Variants in DYRK3 observed in about 807,000 individuals in gnomAD.
DYRK3 encodes dual specificity tyrosine-phosphorylation-regulated kinase 3.
A neutral mutation model predicts 40.8 loss-of-function variants in DYRK3; 30 were observed. That is an observed-to-expected ratio of 0.74 (90% CI 0.55 to 1.00). DYRK3 has a LOEUF of 1.00. Ranked by LOEUF, DYRK3 falls within the 50% of genes least tolerant of loss-of-function variation. The pLI, the probability that DYRK3 is intolerant of heterozygous loss-of-function variation, is 0.00. For synonymous variants in DYRK3, 272 were observed against 260.7 expected, an observed-to-expected ratio of 1.04 and a Z score of -0.42; for missense variants, 699 against 731.5, an observed-to-expected ratio of 0.96 and a Z score of 0.51.
chr1:206,638,812 C>T (rs1173439735), intron 2 of DYRK3, among the ~76,000 whole-genome samples: 1 of 150,728 alleles, frequency 6.6e-6, no homozygotes, highest in Admixed American at 6.6e-5. Flanking sequence ...ATGGAAAAAT[C>T]ACTTCTATTT....
rs1671657734 is a variant in DYRK3, at chr1:206,652,496, C to A, written c.*3531C>A. ...GAAAGTGTATAGACAACTCATTACA[C>A]TGTAGACAGATTTTAGAAAGCTACA... On this transcript the variant is annotated 3_prime_UTR_variant, in exon 3 of 3. Coordinates refer to ENST00000367109, the MANE Select transcript of DYRK3 (RefSeq NM_003582.4). Among the ~76,000 whole-genome samples, 1 of 152,204 alleles carries A rather than the reference C, an allele frequency of 6.6e-6. No homozygotes were observed. The highest frequency in any genetic ancestry group is 1.5e-5 in the Non-Finnish European group (1 of 68,040).
At chr1:206,646,379 G>A (rs1553420122) in intron 2 of DYRK3, among the ~76,000 whole-genome samples, 1 of 152,088 alleles carries the variant, frequency 6.6e-6, no homozygotes, top group East Asian at 1.9e-4. Context: ...TTAATTCAGA[G>A]GTGTAAGTAG....
intron 2 of DYRK3, among the ~76,000 whole-genome samples, chr1:206,639,439 C>T (rs1485571054): frequency 6.7e-6 from 1 of 150,144 alleles, no homozygotes; most frequent in Non-Finnish European, 1.5e-5. Context: ...GAAGTGTTAA[C>T]ATCTGACTTT....
chr1:206,640,065 A>G (rs1231462329), intron 2 of DYRK3, among the ~76,000 whole-genome samples: 1 of 148,916 alleles, frequency 6.7e-6, no homozygotes, highest in Non-Finnish European at 1.5e-5. Flanking sequence ...CCTCCCAAGT[A>G]GCTGGGATTA....
At chr1:206,644,031 C>CTTTTTTTTTTTTTTTTTTTTTTTTT (rs556718022) in intron 2 of DYRK3, among the ~76,000 whole-genome samples, 3 of 101,058 alleles carry the variant, frequency 3.0e-5, no homozygotes, top group Non-Finnish European at 3.9e-5. Context: ...GGACCTACAG[C>CTTTTTTTTTTTTTTTTTTTTTTTTT]TTTTTTTTTT....
At chr1:206,645,645 C>T (rs2102339761) in intron 2 of DYRK3, among the ~76,000 whole-genome samples, 1 of 151,106 alleles carries the variant, frequency 6.6e-6, no homozygotes, top group Non-Finnish European at 1.5e-5. Flanking sequence ...TCCCAAGTAG[C>T]TGGGATTACA....
chr1:206,639,562 A>G (rs1306751263), intron 2 of DYRK3, among the ~76,000 whole-genome samples: 2 of 150,264 alleles, frequency 1.3e-5, no homozygotes, highest in African/African-American at 4.9e-5. Flanking sequence ...CCCGGGTTCA[A>G]GTGATTCTCC....
intron 1 of DYRK3, chr1:206,635,981 G>A (rs1671094215): frequency 7.4e-7 from 1 of 1,346,102 alleles, no homozygotes; most frequent in African/African-American, 1.5e-5. Flanking sequence ...CCGGGCGCGG[G>A]GGACGGGGCT....
At position 206,648,890 on chromosome 1, in the gene DYRK3, G is replaced by C; in HGVS notation, c.1692G>C (p.Lys564Asn). The C allele has an allele frequency of 6.2e-7, 1 of 1,614,178 alleles. No homozygotes were observed. Among genetic ancestry groups the C allele is most frequent in the Non-Finnish European group, 8.5e-7 (1 of 1,180,028 alleles). Residue 564 changes from lysine (K) to asparagine (N), a missense_variant, in exon 3 of 3, where the codon AAG becomes AAC. Lys to Asn is a moderately conservative substitution (Grantham distance 94). Transcript: ENST00000367109. ...CTCCAGTTGTTGGAATAGCCAATAA[G>C]CTTAAAGCTAACTTAATGTCAGAAA... Reference protein sequence around the residue: ...KLPPVVGIANKLKANLMSETN... With the variant: ...KLPPVVGIANNLKANLMSETN...
chr1:206,635,986 G>A, intron 1 of DYRK3: 1 of 1,350,178 alleles, frequency 7.4e-7, no homozygotes, highest in South Asian at 1.9e-5. Context: ...CGCGGGGGAC[G>A]GGGCTAGAGC....
intron 2 of DYRK3, 42 bp from the exon 3 acceptor site, chr1:206,647,346 T>C (rs200454134): frequency 3.0e-5 from 45 of 1,521,626 alleles, no homozygotes; most frequent in Non-Finnish European, 3.7e-5. Flanking sequence ...CTTCCATCTT[T>C]CTAATGTTTT....
In DYRK3 at chr1:206,650,842, C is replaced by T. The variant is rs782063792; in HGVS notation, c.*1877C>T. ...AAATGTCCACAGTGGCTTTAGTCTC[C>T]CAAGTACAAGGGCCAGATGGCAGAG... is the stretch of plus-strand genomic sequence containing the variant. On this transcript the variant is annotated 3_prime_UTR_variant, in exon 3 of 3. Coordinates refer to ENST00000367109, the MANE Select transcript of DYRK3 (RefSeq NM_003582.4). Among the ~76,000 whole-genome samples the T allele has an allele frequency of 2.0e-5, 3 of 152,138 alleles. No individual in the cohort carries two copies. The highest frequency in any genetic ancestry group is 4.2e-4 in the South Asian group (2 of 4,812).
intron 1 of DYRK3, chr1:206,636,903 G>T (rs17013232): frequency 0.02 from 31,704 of 1,612,694 alleles, 388 homozygotes; most frequent in Non-Finnish European, 0.024. Flanking sequence ...AAAGAACAGA[G>T]AAGTGATCCT....
intron 2 of DYRK3, 35 bp downstream of exon 2, chr1:206,637,796 G>A: frequency 3.9e-6 from 6 of 1,543,424 alleles, no homozygotes; most frequent in Non-Finnish European, 5.4e-6. Flanking sequence ...TACATGAATT[G>A]TTTTGGAAAG....
intron 2 of DYRK3, among the ~76,000 whole-genome samples, chr1:206,639,406 A>G (rs2102331688): frequency 6.6e-6 from 1 of 151,632 alleles, no homozygotes; most frequent in East Asian, 1.9e-4. Flanking sequence ...TCACCTCTAT[A>G]GGAAACTATT....
intron 2 of DYRK3, among the ~76,000 whole-genome samples, chr1:206,641,693 T>C (rs1553419383): frequency 6.6e-6 from 1 of 150,458 alleles, no homozygotes; most frequent in East Asian, 2.0e-4. Flanking sequence ...AAGGATTTCC[T>C]ATTTAATGTG....
At chr1:206,643,551 T>C (rs1671348277) in intron 2 of DYRK3, among the ~76,000 whole-genome samples, 1 of 152,198 alleles carries the variant, frequency 6.6e-6, no homozygotes, top group Non-Finnish European at 1.5e-5. Context: ...ACTGGTAACT[T>C]CAGTTCCTAG....
rs1210560516 is a variant in DYRK3 at position 206,650,329 on chromosome 1, G to A, written c.*1364G>A. On this transcript the variant is annotated 3_prime_UTR_variant, in exon 3 of 3. Transcript: ENST00000367109. ...TGCCTGTAATCCCAGCACTTTGGGAGGCTGAGGTGGGTGGATTCCTTGAGC... is the reference window on the plus strand; with the variant it reads ...TGCCTGTAATCCCAGCACTTTGGGAAGCTGAGGTGGGTGGATTCCTTGAGC... 6.6e-6 allele frequency among the ~76,000 whole-genome samples: 1 copy of A among 152,242 alleles called. No individual in the cohort carries two copies. The highest frequency in any genetic ancestry group is 1.5e-5 in the Non-Finnish European group (1 of 68,042).
Position 206,654,157 on chromosome 1 carries a change from AT to A in DYRK3, c.*5197del, listed in dbSNP as rs1480706516. On this transcript the variant is annotated 3_prime_UTR_variant, in exon 3 of 3. Coordinates refer to ENST00000367109, the MANE Select transcript of DYRK3 (RefSeq NM_003582.4). ...AATCATGGAAAACTCTTTCTCCTTTATTTTTAATTATTTCTTTTCCATCTGT... is the reference window on the plus strand; with the variant it reads ...AATCATGGAAAACTCTTTCTCCTTTATTTTAATTATTTCTTTTCCATCTGT... 1.3e-5 allele frequency among the ~76,000 whole-genome samples: 2 copies of A among 152,164 alleles called. No individual in the cohort carries two copies. The highest frequency in any genetic ancestry group is 2.9e-5 in the Non-Finnish European group (2 of 68,022).
Sources: allele counts gnomAD v4.1 joint callset (sites outside exome capture counted in the v4.1 genomes callset), GRCh38; gene constraint gnomAD v4.1.1; transcripts MANE v1.5; gene names NCBI Gene and HGNC (gene_info 2026-07-23, HGNC 2026-07-21).